ANO6: variants seen among roughly 807,000 people sequenced by gnomAD.
The protein encoded by ANO6 is anoctamin 6, also known as anoctamin-6.
Under a neutral mutation model 117.5 loss-of-function variants are expected in ANO6, and 106 were observed. That is an observed-to-expected ratio of 0.90 (90% CI 0.77 to 1.06). ANO6 has a LOEUF of 1.06. ANO6 is among the 50% of genes least tolerant of loss of function. The pLI is 0.00. For synonymous variants in ANO6, 367 were observed against 385.1 expected (o/e 0.95, Z 0.55); for missense variants, 955 against 1,121.1 (o/e 0.85, Z 2.12).
intron 1 of ANO6, among the ~76,000 whole-genome samples, chr12:45,281,369 G>C (rs1241086239): frequency 6.6e-6 from 1 of 152,092 alleles, no homozygotes; most frequent in African/African-American, 2.4e-5. Flanking sequence ...AGGAATACCT[G>C]TGACTGGGTA....
At chr12:45,373,238 T>A (rs2137527577) in intron 9 of ANO6, among the ~76,000 whole-genome samples, 1 of 152,274 alleles carries the variant, frequency 6.6e-6, no homozygotes, top group Middle Eastern at 3.4e-3. Context: ...ACAAAGAGAC[T>A]TAGACACCCA....
intron 16 of ANO6, among the ~76,000 whole-genome samples, chr12:45,414,535 T>G (rs1272802604): frequency 1.3e-5 from 2 of 152,178 alleles, no homozygotes; most frequent in Non-Finnish European, 2.9e-5. Context: ...TAAAAACCCA[T>G]GAATATTTGC....
At chr12:45,262,636 G>A (rs1181105617) in intron 1 of ANO6, among the ~76,000 whole-genome samples, 3 of 152,026 alleles carry the variant, frequency 2.0e-5, no homozygotes, top group Admixed American at 6.6e-5. Flanking sequence ...GTTGGTCAGG[G>A]TGGTCTCAAA....
intron 1 of ANO6, among the ~76,000 whole-genome samples, chr12:45,293,820 T>C (rs1939198968): frequency 1.4e-5 from 2 of 143,124 alleles, no homozygotes; most frequent in Admixed American, 1.5e-4. Context: ...CCTGACCTCA[T>C]GATCCACCCA....
intron 1 of ANO6, among the ~76,000 whole-genome samples, chr12:45,238,152 T>C (rs1438888894): frequency 1.0e-5 from 1 of 99,518 alleles, no homozygotes; most frequent in African/African-American, 5.4e-5. Flanking sequence ...TTTCTTTTTC[T>C]TTTTTTTTTT....
At chr12:45,405,590 C>G (rs1200733725) in intron 15 of ANO6, among the ~76,000 whole-genome samples, 1 of 152,112 alleles carries the variant, frequency 6.6e-6, no homozygotes, top group Non-Finnish European at 1.5e-5. Context: ...GTTTTCTTAA[C>G]TTTTTTATAC....
intron 1 of ANO6, among the ~76,000 whole-genome samples, chr12:45,234,883 C>T (rs1012076023): frequency 1.3e-5 from 2 of 152,236 alleles, no homozygotes; most frequent in Non-Finnish European, 2.9e-5. Context: ...TGTCCTTTTC[C>T]TCCTCAGTTG....
In ANO6 at chr12:45,321,295, A is replaced by G. The variant is rs530185391; in HGVS notation, c.151-10000A>G. 2.6e-5 allele frequency among the ~76,000 whole-genome samples: 4 copies of G among 152,304 alleles called. No homozygotes were observed. In the East Asian group the frequency reaches 5.8e-4, roughly 22 times the overall value. ...TGGTAGTTTATAAAGGTTAGTTGCA[A>G]TGTGGAATGTTGAAACTGTATTAAT... On this transcript the variant is annotated intron_variant, in intron 2 of 19. Coordinates refer to ENST00000320560, the MANE Select transcript of ANO6 (RefSeq NM_001025356.3).
At chr12:45,298,489 A>G (rs1016479245) in intron 1 of ANO6, among the ~76,000 whole-genome samples, 3 of 152,242 alleles carry the variant, frequency 2.0e-5, no homozygotes, top group Admixed American at 2.0e-4. Flanking sequence ...AATATCAAAC[A>G]GTAACTAGAG....
chr12:45,232,650 G>A (rs1947589785), intron 1 of ANO6, among the ~76,000 whole-genome samples: 1 of 152,212 alleles, frequency 6.6e-6, no homozygotes, highest in South Asian at 2.1e-4. Context: ...CACAAGTCCA[G>A]TCGTACTCAG....
At chr12:45,342,685 A>G (rs1435942000) in intron 3 of ANO6, among the ~76,000 whole-genome samples, 1 of 152,120 alleles carries the variant, frequency 6.6e-6, no homozygotes, top group Non-Finnish European at 1.5e-5. Flanking sequence ...CTATTCACTC[A>G]GTTTATTCAT....
chr12:45,439,884 T>C, exon 20 of ANO6: 1 of 1,531,516 alleles, frequency 6.5e-7, no homozygotes, highest in Non-Finnish European at 8.8e-7. Context: ...TCTTTTTCCT[T>C]CTACTTTCTT....
chr12:45,222,326 A>G (rs535296630), intron 1 of ANO6, among the ~76,000 whole-genome samples: 2 of 151,678 alleles, frequency 1.3e-5, no homozygotes, highest in Non-Finnish European at 2.9e-5. Flanking sequence ...GTGCCCGGCT[A>G]ATTTTTGTAT....
chr12:45,427,936 C>CAAAAA (rs35996135), intron 19 of ANO6, among the ~76,000 whole-genome samples: 118 of 62,866 alleles, frequency 1.9e-3, no homozygotes, highest in African/African-American at 5.9e-3. Context: ...GACTCTGCCT[C>CAAAAA]AAAAAAAAAA....
intron 1 of ANO6, among the ~76,000 whole-genome samples, chr12:45,225,621 T>TCC (rs1369779267): frequency 1.3e-5 from 2 of 152,096 alleles, no homozygotes; most frequent in Admixed American, 6.6e-5. Flanking sequence ...CCCGAGTAGC[T>TCC]GGGACTACAG....
At chr12:45,294,189 C>T (rs1259432122) in intron 1 of ANO6, among the ~76,000 whole-genome samples, 1 of 152,046 alleles carries the variant, frequency 6.6e-6, no homozygotes, top group Non-Finnish European at 1.5e-5. Flanking sequence ...AAGAATGGCT[C>T]CCGCTTTTGG....
intron 2 of ANO6, among the ~76,000 whole-genome samples, chr12:45,319,252 T>C (rs1343578225): frequency 6.6e-6 from 1 of 152,180 alleles, no homozygotes; most frequent in Non-Finnish European, 1.5e-5. Flanking sequence ...GGCTGTGGGT[T>C]TGTCATAAAT....
At position 45,430,084 on chromosome 12, in the gene ANO6, G is replaced by C. The variant is rs1943597614; in HGVS notation, c.*773G>C. On this transcript the variant is annotated 3_prime_UTR_variant, in exon 20 of 20. Coordinates refer to ENST00000320560, the MANE Select transcript of ANO6 (RefSeq NM_001025356.3). ...GAATAAAATGACAAAAGCAGGGAAA[G>C]TTACAGATTCAAACAGCATTTTAAC... 1 of 985,334 alleles carries C rather than the reference G, an allele frequency of 1.0e-6. No homozygotes were observed. Among genetic ancestry groups the C allele is most frequent in the Admixed American group, 6.1e-5 (1 of 16,262 alleles). 61.0% of individuals were successfully genotyped at this position (985,334 alleles called of 1,614,324 possible).
chr12:45,389,068 C>T (rs965107090), intron 11 of ANO6, among the ~76,000 whole-genome samples: 3 of 152,108 alleles, frequency 2.0e-5, no homozygotes, highest in Non-Finnish European at 2.9e-5. Context: ...GTTCTGAATA[C>T]GAATAGCTCT....
Sources: gnomAD v4.1 joint callset for allele counts (sites outside exome capture counted in the v4.1 genomes callset) on GRCh38, gnomAD v4.1.1 for gene constraint, MANE v1.5 for transcripts, NCBI Gene and HGNC (gene_info 2026-07-23, HGNC 2026-07-21) for gene names.